Variants in ARHGAP30 observed in about 807,000 individuals in gnomAD.
ARHGAP30 encodes the protein rho GTPase-activating protein 30.
Under a neutral mutation model 72.0 loss-of-function variants are expected in ARHGAP30, and 23 were observed. The ratio of observed to expected loss-of-function variants is 0.32; its 90% confidence interval spans 0.23 to 0.45. ARHGAP30 has a LOEUF of 0.45. Ranked by LOEUF, ARHGAP30 falls within the 20% of genes least tolerant of loss-of-function variation. ARHGAP30 has a pLI of 1.00. For synonymous variants in ARHGAP30, 576 were observed against 528.2 expected, an observed-to-expected ratio of 1.09 and a Z score of -1.24; for missense variants, 1,319 against 1,383.4, an observed-to-expected ratio of 0.95 and a Z score of 0.74.
At chr1:161,060,988 G>A (rs1177543567) in intron 1 of ARHGAP30, among the ~76,000 whole-genome samples, 2 of 151,884 alleles carry the variant, frequency 1.3e-5, no homozygotes, top group African/African-American at 2.4e-5. Flanking sequence ...ACAGGCGTGA[G>A]CCACCGAGCC....
Position 161,052,292 on chromosome 1 carries a change from T to C in ARHGAP30, c.1012A>G (p.Ser338Gly), listed in dbSNP as rs1315183944. 18 of 1,613,744 alleles carry C rather than the reference T, an allele frequency of 1.1e-5. No individual in the cohort carries two copies. Among genetic ancestry groups the C allele is most frequent in the Non-Finnish European group, 1.5e-5 (18 of 1,180,014 alleles). The change falls in exon 9 of 12, where the codon AGT (serine) becomes GGT (glycine). Residue 338 changes from serine to glycine, a missense_variant. Coordinates refer to ENST00000368013, the MANE Select transcript of ARHGAP30 (RefSeq NM_001025598.2). Reference protein sequence around the residue: ...MDSLSAAAGASDEPEGLVGPS... With the variant: ...MDSLSAAAGAGDEPEGLVGPS... ...AATGCACCCCTATACTCACCATCAC[T>C]GGCCCCAGCTGCAGCACTCAGTGAG...
intron 1 of ARHGAP30, among the ~76,000 whole-genome samples, chr1:161,067,858 C>T (rs1652881304): frequency 1.3e-5 from 2 of 152,172 alleles, no homozygotes; most frequent in Non-Finnish European, 2.9e-5. Flanking sequence ...CACTTTCCAC[C>T]TCTCTGTACC....
At chr1:161,056,264 T>G in intron 3 of ARHGAP30, 124 bp downstream of exon 3, 1 of 1,368,432 alleles carries the variant, frequency 7.3e-7, no homozygotes, top group Non-Finnish European at 9.8e-7. Context: ...CCCGGTAAGT[T>G]TTTCTGTGGT....
chr1:161,063,642 A>C (rs1652480684), intron 1 of ARHGAP30, among the ~76,000 whole-genome samples: 1 of 152,274 alleles, frequency 6.6e-6, no homozygotes, highest in Admixed American at 6.5e-5. Context: ...TCAGGGAATA[A>C]GAGAGATAAC....
rs555600687 is a variant in ARHGAP30, at chr1:161,064,214, G to A, written c.98-4498C>T. Among the ~76,000 whole-genome samples, 4 of 152,294 alleles carry A rather than the reference G, an allele frequency of 2.6e-5. No individual in the cohort carries two copies. The South Asian group carries it at 8.3e-4, about 32-fold the overall frequency. On this transcript the variant is annotated intron_variant, in intron 1 of 11. Transcript: ENST00000368013. The stretch of plus-strand genomic sequence containing the variant: ...CCAATGTGTGATGTCTCCCCTGGAT[G>A]CCCAGGTTTAACATTTCTCTCTTTT...
At position 161,060,858 on chromosome 1, in the gene ARHGAP30, C is replaced by T. The variant is rs573333655; in HGVS notation, c.98-1142G>A. 3.3e-5 allele frequency among the ~76,000 whole-genome samples: 5 copies of T among 151,870 alleles called. No homozygotes were observed. The East Asian group carries it at 7.9e-4, about 24-fold the overall frequency. ...CTAGAATTACAGACGCCCGCCGCTA[C>T]GTCTCCAGCTAACTTTTTTGTATTT... On this transcript the variant is annotated intron_variant, in intron 1 of 11. Transcript: ENST00000368013.
At position 161,048,973 on chromosome 1, in the gene ARHGAP30, A is replaced by T; in HGVS notation, c.2048T>A (p.Val683Glu). The change falls in exon 12 of 12, where the codon GTG becomes GAG. Residue 683 changes from valine (V) to glutamate (E), a missense_variant. Val to Glu is a moderately radical substitution (Grantham distance 121, BLOSUM62 -2). Transcript: ENST00000368013. Reference protein sequence around the residue: ...EEAEGSPETKVEAGKASEDRG... With the variant: ...EEAEGSPETKEEAGKASEDRG... ...ATCCTCACTGGCCTTTCCAGCCTCC[A>T]CCTTGGTCTCTGGACTTCCCTCTGC... is the stretch of plus-strand genomic sequence containing the variant. The T allele has an allele frequency of 1.2e-6, 2 of 1,611,680 alleles. No homozygotes were observed. The highest frequency in any genetic ancestry group is 1.7e-4 in the Middle Eastern group (1 of 6,058).
chr1:161,056,641 A>G, intron 2 of ARHGAP30, 109 bp from the exon 3 acceptor site: 1 of 1,239,870 alleles, frequency 8.1e-7, no homozygotes, highest in East Asian at 2.4e-5. Flanking sequence ...CATGTGTTGG[A>G]CTTGGAAGGA....
In ARHGAP30 at chr1:161,048,908, A is replaced by G. The variant is rs749965079; in HGVS notation, c.2113T>C (p.Leu705=). ...GTCTCTTCCCTACTCCCTTCTCTCA[A>G]TCTGACTTTTGTCTCTTGGCTTCCC... The part of the protein sequence containing the change: ...AGGSQETKVR[L]REGSREETEA... Residue 705 remains leucine, a synonymous_variant, in exon 12 of 12, where the codon TTG becomes CTG. Transcript: ENST00000368013. 1 of 1,613,068 alleles carries G rather than the reference A, an allele frequency of 6.2e-7. No individual in the cohort carries two copies.
intron 3 of ARHGAP30, among the ~76,000 whole-genome samples, chr1:161,055,804 T>TAAAATAATAAAATAAAATAAAATAA (rs1553217874): frequency 4.0e-4 from 18 of 45,116 alleles, no homozygotes; most frequent in Admixed American, 1.3e-3. Context: ...TAAAATAAAA[T>TAAAATAATAAAATAAAATAAAATAA]AATAAAATAA....
In ARHGAP30 at chr1:161,047,896, T is replaced by A; in HGVS notation, c.3125A>T (p.His1042Leu). ...RTSPCSMISAHSPRPLSCLEL... is the reference protein window; with the variant it reads ...RTSPCSMISALSPRPLSCLEL... ...CAGGCAGCTAAGGGGCCGAGGAGAA[T>A]GGGCAGAGATCATGCTACAAGGGGA... The change falls in exon 12 of 12, where the codon CAT (histidine) becomes CTT (leucine). Residue 1042 changes from histidine to leucine, a missense_variant. Physicochemically the swap from His to Leu is moderately conservative, Grantham distance 99. Transcript: ENST00000368013. 1 of 1,611,928 alleles carries A rather than the reference T, an allele frequency of 6.2e-7. No homozygotes were observed.
chr1:161,052,029 A>G (rs1557920950), intron 9 of ARHGAP30, among the ~76,000 whole-genome samples: 3 of 80,498 alleles, frequency 3.7e-5, no homozygotes, highest in Non-Finnish European at 7.1e-5. Flanking sequence ...CACCACCACC[A>G]CCACCACCAC....
chr1:161,052,779 C>G lies in ARHGAP30; in HGVS notation c.683G>C (p.Gly228Ala), dbSNP rs146693161. 7 of 1,611,240 alleles carry G rather than the reference C, an allele frequency of 4.3e-6. No homozygotes were observed. Among genetic ancestry groups the G allele is most frequent in the African/African-American group, 2.7e-5 (2 of 74,792 alleles). Reference sequence around the variant, plus strand: ...CCGGGTCCCTGGAAGCGATCGCCACCCACTCTCCACCTCACCACCTGGGAA... The same window carrying G: ...CCGGGTCCCTGGAAGCGATCGCCACGCACTCTCCACCTCACCACCTGGGAA... Reference protein sequence around the residue: ...AALSGGEVESGWRSLPGTRAS... With the variant: ...AALSGGEVESAWRSLPGTRAS... Residue 228 changes from glycine to alanine, a missense_variant, in exon 7 of 12, where the codon GGG becomes GCG. This residue lies in a region of ARHGAP30 where 222 missense variants were observed against 338.2 expected (regional missense o/e 0.66). Transcript: ENST00000368013.
intron 1 of ARHGAP30, among the ~76,000 whole-genome samples, chr1:161,064,852 A>G (rs55745240): frequency 0.19 from 25,182 of 131,836 alleles, 3,677 homozygotes; most frequent in African/African-American, 0.44. Context: ...AAAGAAAGGA[A>G]AGGAAGGAGA....
rs1652975591 is a variant in ARHGAP30, at chr1:161,069,079, C to T, written c.97+449G>A. 6.6e-6 allele frequency among the ~76,000 whole-genome samples: 1 copy of T among 152,112 alleles called. No individual in the cohort carries two copies. Among genetic ancestry groups the T allele is most frequent in the Admixed American group, 6.5e-5 (1 of 15,278 alleles). ...TGTTCTCCAGCCAGGAAACCACCCG[C>T]CTCAAGGGCCATCTTGAGACCCTTC... On this transcript the variant is annotated intron_variant, in intron 1 of 11. Transcript: ENST00000368013. The surrounding 1 kb of genome is among the most constrained non-coding windows in gnomAD (Gnocchi z 4.9).
At chr1:161,058,127 G>T (rs1352345548) in intron 2 of ARHGAP30, among the ~76,000 whole-genome samples, 2 of 151,792 alleles carry the variant, frequency 1.3e-5, no homozygotes, top group Non-Finnish European at 2.9e-5. Context: ...CTCCAGCCTG[G>T]GCAACAAGAG....
chr1:161,066,722 T>G (rs1170944551), intron 1 of ARHGAP30, among the ~76,000 whole-genome samples: 1 of 149,754 alleles, frequency 6.7e-6, no homozygotes, highest in African/African-American at 2.5e-5. Flanking sequence ...TCCTTAAATT[T>G]TGCACCCTAG....
At chr1:161,053,413 C>T (rs764701897) in intron 5 of ARHGAP30, 28 bp from the exon 6 acceptor site, 1 of 1,609,248 alleles carries the variant, frequency 6.2e-7, no homozygotes, top group Admixed American at 1.7e-5. Flanking sequence ...TATTCTCCCC[C>T]TCAGCCCCAC....
chr1:161,051,653 C>G lies in ARHGAP30; in HGVS notation c.1081G>C (p.Glu361Gln). The change falls in exon 10 of 12, where the codon GAG (glutamate) becomes CAG (glutamine). Residue 361 changes from glutamate (E) to glutamine (Q), a missense_variant. Coordinates refer to ENST00000368013, the MANE Select transcript of ARHGAP30 (RefSeq NM_001025598.2). ...RPSPLLPESLENDSIEAAEGE... is the reference protein window; with the variant it reads ...RPSPLLPESLQNDSIEAAEGE... Reference sequence around the variant, plus strand: ...TCTGCTGCCTCTATAGAATCGTTCTCCAAGCTCTCAGGCAGCAATGGGCTT... The same window carrying G: ...TCTGCTGCCTCTATAGAATCGTTCTGCAAGCTCTCAGGCAGCAATGGGCTT... 1 of 1,613,006 alleles carries G rather than the reference C, an allele frequency of 6.2e-7. No individual in the cohort carries two copies. The highest frequency in any genetic ancestry group is 8.5e-7 in the Non-Finnish European group (1 of 1,180,012).
Sources: gnomAD v4.1 joint callset for allele counts (sites outside exome capture counted in the v4.1 genomes callset) on GRCh38, gnomAD v4.1.1 for gene constraint, gnomAD v4.1.1 regional missense constraint, Gnocchi (gnomAD v3.1) non-coding constraint, MANE v1.5 for transcripts, NCBI Gene and HGNC (gene_info 2026-07-23, HGNC 2026-07-21) for gene names.